TMEM245: variants seen among roughly 807,000 people sequenced by gnomAD.
TMEM245 encodes the protein transmembrane protein 245, also known as protein CG-2.
In TMEM245, 69 loss-of-function variants were observed where a neutral mutation model predicts 101.2. That is an observed-to-expected ratio of 0.68 (90% CI 0.56 to 0.83). The LOEUF is 0.83. Among genes scored for constraint, TMEM245 ranks in the 40% least tolerant of loss-of-function variants. The pLI is 0.00. For synonymous variants in TMEM245, 537 were observed against 449.8 expected, an observed-to-expected ratio of 1.19 and a Z score of -2.45; for missense variants, 1,075 against 1,092.8, an observed-to-expected ratio of 0.98 and a Z score of 0.23.
chr9:109,037,403 T>C (rs1828163198), intron 15 of TMEM245, among the ~76,000 whole-genome samples: 1 of 152,176 alleles, frequency 6.6e-6, no homozygotes. Flanking sequence ...CTGATACGGG[T>C]TTGGATCTGT....
At chr9:109,096,949 A>G (rs933067473) in intron 3 of TMEM245, among the ~76,000 whole-genome samples, 2 of 152,228 alleles carry the variant, frequency 1.3e-5, no homozygotes, top group African/African-American at 4.8e-5. Flanking sequence ...CATTCACCAA[A>G]TAGGCGACTA....
intron 7 of TMEM245, among the ~76,000 whole-genome samples, chr9:109,084,333 G>C (rs1588061535): frequency 6.6e-6 from 1 of 152,230 alleles, no homozygotes; most frequent in East Asian, 1.9e-4. Flanking sequence ...ATCTCAAGCA[G>C]TTACTCTATC....
At chr9:109,036,974 C>T (rs1234749275) in intron 15 of TMEM245, among the ~76,000 whole-genome samples, 2 of 152,150 alleles carry the variant, frequency 1.3e-5, no homozygotes, top group Admixed American at 6.5e-5. Flanking sequence ...GACAAGTCTA[C>T]CATCCCGCCT....
intron 12 of TMEM245, among the ~76,000 whole-genome samples, chr9:109,052,859 G>C (rs1828726967): frequency 6.6e-6 from 1 of 151,922 alleles, no homozygotes; most frequent in Non-Finnish European, 1.5e-5. Context: ...AAAATATCTT[G>C]TGGTAATTCT....
In TMEM245 at chr9:109,090,927, A is replaced by G. The variant is rs1829984112; in HGVS notation, c.1145T>C (p.Ile382Thr). The G allele has an allele frequency of 6.2e-7, 1 of 1,613,992 alleles. No homozygotes were observed. The highest frequency in any genetic ancestry group is 8.5e-7 in the Non-Finnish European group (1 of 1,179,968). ...GTACTTAACCAGATAACGACCTGCA[A>G]TCGGCACTGGCAGCAACTGCACAAT... ...LWIVQLLPVP[I>T]AVWILKKLVI... is the part of the protein sequence containing the mutation. The change falls in exon 5 of 18, where the codon ATT (isoleucine) becomes ACT (threonine). Residue 382 changes from isoleucine (I) to threonine (T), a missense_variant. This residue lies in a region of TMEM245 where 808 missense variants were observed against 741.5 expected (regional missense o/e 1.09). Coordinates refer to ENST00000374586, the MANE Select transcript of TMEM245 (RefSeq NM_032012.4).
intron 3 of TMEM245, among the ~76,000 whole-genome samples, chr9:109,102,805 C>G (rs1455920950): frequency 1.3e-5 from 2 of 152,204 alleles, no homozygotes; most frequent in Non-Finnish European, 2.9e-5. Flanking sequence ...TAGTAATCTG[C>G]TCTTGGAGTT....
chr9:109,072,234 T>C (rs1829355963), intron 9 of TMEM245, among the ~76,000 whole-genome samples: 1 of 150,398 alleles, frequency 6.6e-6, no homozygotes, highest in Non-Finnish European at 1.5e-5. Context: ...GTAAACACTG[T>C]GTTCAAGGAG....
At chr9:109,025,914 T>C (rs1480596713) in intron 17 of TMEM245, among the ~76,000 whole-genome samples, 1 of 152,230 alleles carries the variant, frequency 6.6e-6, no homozygotes, top group Non-Finnish European at 1.5e-5. Flanking sequence ...TCTTCCTTCC[T>C]ACAATCTTTC....
At chr9:109,056,440 C>CAAAAAAAAA (rs753175633) in intron 12 of TMEM245, among the ~76,000 whole-genome samples, 2 of 36,766 alleles carry the variant, frequency 5.4e-5, no homozygotes, top group African/African-American at 8.8e-5. Flanking sequence ...ACTAAAAATG[C>CAAAAAAAAA]AAAAAAAAAA....
rs1827481348 is a variant in TMEM245 at position 109,017,416 on chromosome 9, A to G, written c.*3044T>C. ...CATGTAAGGTGGTCTTACAGAGATCACTTGCAGGAACAGATATTGATAGGA... is the reference window on the plus strand; with the variant it reads ...CATGTAAGGTGGTCTTACAGAGATCGCTTGCAGGAACAGATATTGATAGGA... On this transcript the variant is annotated 3_prime_UTR_variant, in exon 18 of 18. Transcript: ENST00000374586. The G allele has an allele frequency of 6.6e-6, 1 of 152,210 alleles. No homozygotes were observed. The allele number at this position is 152,210 out of a possible 1,614,324, so 9.4% of individuals were successfully genotyped here. A position where few individuals can be genotyped will look rare whatever the true frequency, so the allele number is the denominator to read the frequency against.
At chr9:109,035,387 T>C (rs758687192) in intron 16 of TMEM245, among the ~76,000 whole-genome samples, 35 of 152,258 alleles carry the variant, frequency 2.3e-4, no homozygotes, top group South Asian at 1.0e-3. Context: ...ATATACTTAA[T>C]GCAATTTCTA....
chr9:109,108,142 T>C (rs1830475189), intron 2 of TMEM245, among the ~76,000 whole-genome samples: 1 of 152,276 alleles, frequency 6.6e-6, no homozygotes, highest in East Asian at 1.9e-4. Flanking sequence ...CCTCTTATCG[T>C]TGACTGCTTA....
In TMEM245 at chr9:109,039,888, A is replaced by C. The variant is rs546884594; in HGVS notation, c.2124-1771T>G. 2.0e-5 allele frequency among the ~76,000 whole-genome samples: 3 copies of C among 152,196 alleles called. No homozygotes were observed. In the South Asian group the frequency reaches 6.2e-4, roughly 32 times the overall value. On this transcript the variant is annotated intron_variant, in intron 14 of 17. Coordinates refer to ENST00000374586, the MANE Select transcript of TMEM245 (RefSeq NM_032012.4). ...GTATAGAATTTGTCTAGAACTAGGGAGGTCAATGAGGAAAAGATAGAGATG... is the reference window on the plus strand; with the variant it reads ...GTATAGAATTTGTCTAGAACTAGGGCGGTCAATGAGGAAAAGATAGAGATG...
chr9:109,073,856 GTT>G (rs904054098), intron 8 of TMEM245, among the ~76,000 whole-genome samples: 1 of 119,818 alleles, frequency 8.3e-6, no homozygotes, highest in African/African-American at 3.3e-5. Flanking sequence ...TTTTTTTTTT[GTT>G]TTTTTTTTTT....
Position 109,091,013 on chromosome 9 carries a change from G to A in TMEM245, c.1059C>T (p.Asp353=). The A allele has an allele frequency of 4.3e-6, 7 of 1,614,178 alleles. No homozygotes were observed. Among genetic ancestry groups the A allele is most frequent in the Non-Finnish European group, 5.9e-6 (7 of 1,180,032 alleles). Reference sequence around the variant, plus strand: ...CCCAAACTAGAGACACAAAGTAGATGTCACTAGTTTTCTTCTTTCTAAGAA... The same window carrying A: ...CCCAAACTAGAGACACAAAGTAGATATCACTAGTTTTCTTCTTTCTAAGAA... ...GTFLRKKKTS[D]IYFVSLVWAI... is the part of the protein sequence containing the mutation. Residue 353 remains aspartate (D), a synonymous_variant, in exon 5 of 18, where the codon GAC becomes GAT. Coordinates refer to ENST00000374586, the MANE Select transcript of TMEM245 (RefSeq NM_032012.4).
chr9:109,045,462 C>T (rs1372901517), intron 14 of TMEM245, among the ~76,000 whole-genome samples: 1 of 152,182 alleles, frequency 6.6e-6, no homozygotes. Context: ...CACAATAGAT[C>T]ATCTGGAGGC....
chr9:109,059,417 C>T (rs1317871774), intron 11 of TMEM245, among the ~76,000 whole-genome samples: 2 of 152,192 alleles, frequency 1.3e-5, no homozygotes, highest in Non-Finnish European at 2.9e-5. Flanking sequence ...ACCACCAACT[C>T]TATCCACTCT....
chr9:109,096,519 T>C (rs936439509), intron 3 of TMEM245, among the ~76,000 whole-genome samples: 1 of 151,912 alleles, frequency 6.6e-6, no homozygotes, highest in Admixed American at 6.5e-5. Context: ...GTCTCAAAAA[T>C]AAAAAGTTCC....
intron 5 of TMEM245, among the ~76,000 whole-genome samples, chr9:109,088,399 A>G (rs899492360): frequency 2.0e-5 from 3 of 152,212 alleles, no homozygotes; most frequent in African/African-American, 7.2e-5. Context: ...GATCATGTCA[A>G]ATTCCTATGA....
Sources: allele counts gnomAD v4.1 joint callset (sites outside exome capture counted in the v4.1 genomes callset), GRCh38; gene constraint gnomAD v4.1.1; regional missense constraint gnomAD v4.1.1; transcripts MANE v1.5; gene names NCBI Gene and HGNC (gene_info 2026-07-23, HGNC 2026-07-21).